The following STAG1 variants were observed in gnomAD, a reference collection of about 807,000 sequenced individuals.
STAG1 encodes the protein STAG1 cohesin complex component, also known as cohesin subunit SA-1.
STAG1 carries 26 observed loss-of-function variants against 170.9 expected under a neutral mutation model. That is an observed-to-expected ratio of 0.15 (90% CI 0.11 to 0.21). STAG1 has a LOEUF of 0.21. Ranked by LOEUF, STAG1 falls within the 10% of genes least tolerant of loss-of-function variation. STAG1 has a pLI of 1.00. For synonymous variants in STAG1, 514 were observed against 497.7 expected (o/e 1.03, Z -0.44); for missense variants, 964 against 1,509.5 (o/e 0.64, Z 5.99).
intron 6 of STAG1, among the ~76,000 whole-genome samples, chr3:136,539,966 T>C (rs567223125): frequency 6.6e-6 from 1 of 152,274 alleles, no homozygotes; most frequent in South Asian, 2.1e-4. Context: ...ATTTAAATGA[T>C]TATTCCTTGA....
At position 136,338,223 on chromosome 3, in the gene STAG1, G is replaced by A. The variant is rs369504607; in HGVS notation, c.*31C>T. On this transcript the variant is annotated 3_prime_UTR_variant, in exon 34 of 34. Coordinates refer to ENST00000383202, the MANE Select transcript of STAG1 (RefSeq NM_005862.3). The stretch of plus-strand genomic sequence containing the variant: ...TATAGGCCTCTAGCTCTAAATAATA[G>A]AGTTCCAGATTTGTAAATTTTCTTC... 2.0e-6 allele frequency: 3 copies of A among 1,530,016 alleles called. No individual in the cohort carries two copies. Among genetic ancestry groups the A allele is most frequent in the African/African-American group, 2.7e-5 (2 of 73,052 alleles). The allele number at this position is 1,530,016 out of a possible 1,614,324, so 94.8% of individuals were successfully genotyped here. A position where few individuals can be genotyped will look rare whatever the true frequency, so the allele number is the denominator to read the frequency against.
intron 5 of STAG1, among the ~76,000 whole-genome samples, chr3:136,547,656 A>C (rs371069730): frequency 6.6e-6 from 1 of 152,146 alleles, no homozygotes; most frequent in East Asian, 1.9e-4. Context: ...CATGGTTGTC[A>C]CATATTGCAG....
intron 3 of STAG1, among the ~76,000 whole-genome samples, chr3:136,622,357 T>C (rs1939903246): frequency 1.3e-5 from 2 of 151,470 alleles, no homozygotes; most frequent in Admixed American, 1.3e-4. Context: ...TTTTTAGCAA[T>C]ACACACTAAA....
intron 7 of STAG1, among the ~76,000 whole-genome samples, chr3:136,519,249 A>G (rs894837611): frequency 4.3e-4 from 66 of 152,140 alleles, no homozygotes; most frequent in Non-Finnish European, 3.8e-4. Flanking sequence ...CATACAATTA[A>G]CCTTTTAAAC....
Position 136,644,191 on chromosome 3 carries a change from C to T in STAG1, c.-83-13210G>A, listed in dbSNP as rs193153287. 2.6e-5 allele frequency among the ~76,000 whole-genome samples: 4 copies of T among 152,184 alleles called. No individual in the cohort carries two copies. In the East Asian group the frequency reaches 7.7e-4, roughly 29 times the overall value. On this transcript the variant is annotated intron_variant, in intron 1 of 33. Transcript: ENST00000383202. ...TTACTATTAAATAAATATTATGCTT[C>T]ACTACTATAAGAAAATTAATTTCTA...
intron 2 of STAG1, among the ~76,000 whole-genome samples, chr3:136,624,592 T>C (rs1457510717): frequency 6.6e-6 from 1 of 152,236 alleles, no homozygotes; most frequent in Non-Finnish European, 1.5e-5. Flanking sequence ...TGAGGAAACA[T>C]GCTTCCTCAA....
chr3:136,725,560 A>C (rs1933615442), intron 1 of STAG1, among the ~76,000 whole-genome samples: 1 of 152,236 alleles, frequency 6.6e-6, no homozygotes, highest in South Asian at 2.1e-4. Flanking sequence ...AGCAACAGTA[A>C]AGTGATGACT....
At chr3:136,403,972 C>A (rs543184793) in intron 21 of STAG1, among the ~76,000 whole-genome samples, 96 of 152,316 alleles carry the variant, frequency 6.3e-4, no homozygotes, top group African/African-American at 2.3e-3. Context: ...TCTGCTTTCT[C>A]GCAGACATAA....
intron 9 of STAG1, 130 bp from the exon 10 acceptor site, chr3:136,477,542 T>G: frequency 1.4e-6 from 1 of 706,956 alleles, no homozygotes; most frequent in Non-Finnish European, 2.1e-6. Context: ...GGCCTCCAAC[T>G]TAAGTATCTT....
chr3:136,427,443 G>C (rs954577330), intron 16 of STAG1, among the ~76,000 whole-genome samples: 7 of 152,084 alleles, frequency 4.6e-5, no homozygotes, highest in Non-Finnish European at 1.0e-4. Flanking sequence ...AAGTGATCTT[G>C]TGGTTCTCAC....
chr3:136,366,955 T>C lies in STAG1; in HGVS notation c.2673A>G (p.Lys891=), dbSNP rs1259971597. 1 of 1,602,792 alleles carries C rather than the reference T, an allele frequency of 6.2e-7. No individual in the cohort carries two copies. Among genetic ancestry groups the C allele is most frequent in the Admixed American group, 1.7e-5 (1 of 59,178 alleles). ...TATTTAACTATACCTTCATGTAGTG[T>C]TTGAAGATGTCTGCAGCTGCATGCA... ...VDMHAAADIF[K]HYMKYYNDYG... The change falls in exon 25 of 34, where the codon AAA becomes AAG. Residue 891 remains lysine (K), a synonymous_variant. Transcript: ENST00000383202.
Position 136,528,494 on chromosome 3 carries a change from AC to A in STAG1, c.472-7078del, listed in dbSNP as rs34484071. 2.3e-3 allele frequency among the ~76,000 whole-genome samples: 163 copies of A among 71,390 alleles called. 3 individuals carry two copies. The highest frequency in any genetic ancestry group is 7.9e-3 in the African/African-American group (144 of 18,276). 46.8% of individuals were successfully genotyped at this position (71,390 alleles called of 152,430 possible). On this transcript the variant is annotated intron_variant, in intron 6 of 33. Coordinates refer to ENST00000383202, the MANE Select transcript of STAG1 (RefSeq NM_005862.3). ...ATTCCCCAGCAACAGATGTCCCCGCACCCCCCCCCCCAAAAAATCACTAAGT... is the reference window on the plus strand; with the variant it reads ...ATTCCCCAGCAACAGATGTCCCCGCACCCCCCCCCCAAAAAATCACTAAGT...
At chr3:136,698,893 T>C (rs1942971315) in intron 1 of STAG1, among the ~76,000 whole-genome samples, 2 of 152,118 alleles carry the variant, frequency 1.3e-5, no homozygotes, top group African/African-American at 4.8e-5. Context: ...CAAAAAGGAA[T>C]GAAATAATGT....
At chr3:136,674,410 G>C (rs1942073331) in intron 1 of STAG1, among the ~76,000 whole-genome samples, 1 of 152,164 alleles carries the variant, frequency 6.6e-6, no homozygotes, top group Non-Finnish European at 1.5e-5. Flanking sequence ...AGTACATATT[G>C]TATGATTCCA....
intron 9 of STAG1, among the ~76,000 whole-genome samples, chr3:136,486,398 A>G (rs2090013045): frequency 6.6e-6 from 1 of 152,218 alleles, no homozygotes; most frequent in Non-Finnish European, 1.5e-5. Context: ...GGGATGTCCA[A>G]ATAAAAACAA....
chr3:136,526,094 T>C (rs1392136303), intron 6 of STAG1, among the ~76,000 whole-genome samples: 1 of 152,230 alleles, frequency 6.6e-6, no homozygotes, highest in Non-Finnish European at 1.5e-5. Context: ...TGGAGAGTTC[T>C]GTAGATGTCT....
In STAG1 at chr3:136,751,340, C is replaced by A. The variant is rs1935224566; in HGVS notation, c.-84+855G>T. 2.0e-5 allele frequency among the ~76,000 whole-genome samples: 3 copies of A among 152,060 alleles called. No homozygotes were observed. The South Asian group carries it at 6.2e-4, about 32-fold the overall frequency. ...CTAAAACCTGAAAATTTCTTAGTACCCATACCATACAAGAAGAACCCAGTT... is the reference window on the plus strand; with the variant it reads ...CTAAAACCTGAAAATTTCTTAGTACACATACCATACAAGAAGAACCCAGTT... On this transcript the variant is annotated intron_variant, in intron 1 of 33. Transcript: ENST00000383202.
intron 5 of STAG1, among the ~76,000 whole-genome samples, chr3:136,546,928 G>A (rs1479248410): frequency 6.6e-6 from 1 of 152,046 alleles, no homozygotes; most frequent in East Asian, 1.9e-4. Context: ...TGTCACTAGG[G>A]GTCCCAGATA....
intron 9 of STAG1, among the ~76,000 whole-genome samples, chr3:136,489,346 A>T (rs901728809): frequency 2.0e-5 from 3 of 152,218 alleles, no homozygotes; most frequent in African/African-American, 7.2e-5. Flanking sequence ...TTCTGCTTAT[A>T]ACAAAATGAG....
Sources: gnomAD v4.1 joint callset for allele counts (sites outside exome capture counted in the v4.1 genomes callset) on GRCh38, gnomAD v4.1.1 for gene constraint, MANE v1.5 for transcripts, NCBI Gene and HGNC (gene_info 2026-07-23, HGNC 2026-07-21) for gene names.